Variants in USP34 observed in about 807,000 individuals in gnomAD.
The protein encoded by USP34 is ubiquitin specific peptidase 34.
In USP34, 70 loss-of-function variants were observed where a neutral mutation model predicts 460.3. That is an observed-to-expected ratio of 0.15 (90% CI 0.13 to 0.19). USP34 has a LOEUF of 0.19. Ranked by LOEUF, USP34 falls within the 10% of genes least tolerant of loss-of-function variation. The pLI is 1.00. For synonymous variants in USP34, 1,647 were observed against 1,405.3 expected (o/e 1.17, Z -3.85); for missense variants, 3,985 against 4,236.2 (o/e 0.94, Z 1.65).
rs552559192 is a variant in USP34 at position 61,188,326 on chromosome 2, T to G, written c.10417A>C (p.Ile3473Leu). 6 of 1,613,582 alleles carry G rather than the reference T, an allele frequency of 3.7e-6. No homozygotes were observed. Among genetic ancestry groups the G allele is most frequent in the Non-Finnish European group, 4.2e-6 (5 of 1,180,000 alleles). The change falls in exon 80 of 80, where the codon ATC (isoleucine) becomes CTC (leucine). Residue 3473 changes from isoleucine to leucine, a missense_variant. This residue lies in a region of USP34 where 506 missense variants were observed against 439.0 expected (regional missense o/e 1.15). Transcript: ENST00000398571. Reference sequence around the variant, plus strand: ...GCTAAGTCAGACAGAACTGCAGAGATAGAAGTAGAAGGGAACTCAGATTCT... The same window carrying G: ...GCTAAGTCAGACAGAACTGCAGAGAGAGAAGTAGAAGGGAACTCAGATTCT... ...EEESEFPSTS[I>L]SAVLSDLADL...
intron 10 of USP34, among the ~76,000 whole-genome samples, chr2:61,359,338 G>T (rs572537958): frequency 1.3e-5 from 2 of 152,300 alleles, no homozygotes; most frequent in Admixed American, 6.5e-5. Context: ...GCCATTTAAT[G>T]GGGGAAGGAC....
intron 20 of USP34, among the ~76,000 whole-genome samples, chr2:61,331,073 C>A (rs1691245864): frequency 6.6e-6 from 1 of 152,068 alleles, no homozygotes; most frequent in Non-Finnish European, 1.5e-5. Context: ...AGTGAGCCAG[C>A]TACATTTACC....
chr2:61,469,036 G>A (rs1216791257), intron 1 of USP34, among the ~76,000 whole-genome samples: 2 of 152,034 alleles, frequency 1.3e-5, no homozygotes, highest in Non-Finnish European at 2.9e-5. Flanking sequence ...GTGAAACCCC[G>A]TCTCTACCAA....
Position 61,266,156 on chromosome 2 carries a change from T to G in USP34, c.5445A>C (p.Arg1815Ser). The G allele has an allele frequency of 6.2e-7, 1 of 1,608,396 alleles. No individual in the cohort carries two copies. Among genetic ancestry groups the G allele is most frequent in the Non-Finnish European group, 8.5e-7 (1 of 1,175,814 alleles). ...ACAAAAACAGGAGATTGAAGATATCTCTCAAAAATTCCTGGGGAGTAAAAG... is the reference window on the plus strand; with the variant it reads ...ACAAAAACAGGAGATTGAAGATATCGCTCAAAAATTCCTGGGGAGTAAAAG... ...KFSREGQEFLRDIFNLLFLLP... is the reference protein window; with the variant it reads ...KFSREGQEFLSDIFNLLFLLP... Residue 1815 changes from arginine (R) to serine (S), a missense_variant, in exon 42 of 80, where the codon AGA (arginine) becomes AGC (serine). This residue lies in a region of USP34 where 1,114 missense variants were observed against 1,122.5 expected (regional missense o/e 0.99). Coordinates refer to ENST00000398571, the MANE Select transcript of USP34 (RefSeq NM_014709.4).
At chr2:61,278,015 A>C (rs1270340558) in intron 41 of USP34, 150 bp downstream of exon 41, 21 of 1,016,886 alleles carry the variant, frequency 2.1e-5, no homozygotes, top group African/African-American at 6.6e-5. Flanking sequence ...GCCACATGGA[A>C]CTCTGAGTCG....
chr2:61,256,948 A>G lies in USP34; in HGVS notation c.6051T>C (p.Asp2017=), dbSNP rs375224042. The G allele has an allele frequency of 4.6e-5, 71 of 1,533,380 alleles. No homozygotes were observed. The highest frequency in any genetic ancestry group is 6.1e-5 in the Non-Finnish European group (70 of 1,143,866). 95.0% of individuals were successfully genotyped at this position (1,533,380 alleles called of 1,614,324 possible). A position where few individuals can be genotyped will look rare whatever the true frequency, so the allele number is the denominator to read the frequency against. The change falls in exon 47 of 80, where the codon GAT becomes GAC. Residue 2017 remains aspartate (D), a splice_region_variant and synonymous_variant. Coordinates refer to ENST00000398571, the MANE Select transcript of USP34 (RefSeq NM_014709.4). The part of the protein sequence containing the change: ...GVITNNVVSL[D]CEHVSQTAEE... ...CAGCAGTTTGACTAACATGTTCACA[A>G]TCCTAATCAATACACATAAAAAATT...
intron 20 of USP34, among the ~76,000 whole-genome samples, chr2:61,328,520 G>A (rs959430617): frequency 6.6e-6 from 1 of 152,110 alleles, no homozygotes. Flanking sequence ...TTTACAGCCT[G>A]AAGGAATAGG....
chr2:61,398,325 C>T (rs1693600360), intron 3 of USP34, among the ~76,000 whole-genome samples: 2 of 151,708 alleles, frequency 1.3e-5, no homozygotes, highest in East Asian at 1.9e-4. Context: ...CATGTTCATG[C>T]CACTGCACTC....
Position 61,229,616 on chromosome 2 carries a change from A to G in USP34, c.7131T>C (p.Cys2377=), listed in dbSNP as rs1687834579. 6.2e-7 allele frequency: 1 copy of G among 1,612,412 alleles called. No homozygotes were observed. Among genetic ancestry groups the G allele is most frequent in the Non-Finnish European group, 8.5e-7 (1 of 1,179,496 alleles). ...GTCTCAGCCTCTGAATCACATGGAT[A>G]CACAAACGCTGAAACATCTGTGAAG... is the stretch of plus-strand genomic sequence containing the variant. The part of the protein sequence containing the change: ...QIVRQMFQRL[C]IHVIQRLRPV... The change falls in exon 59 of 80, where the codon TGT becomes TGC. Residue 2377 remains cysteine (C), a synonymous_variant. Transcript: ENST00000398571.
At chr2:61,305,556 T>C (rs373021536) in intron 27 of USP34, among the ~76,000 whole-genome samples, 7 of 151,904 alleles carry the variant, frequency 4.6e-5, no homozygotes, top group African/African-American at 9.7e-5. Context: ...CCTTAACCAA[T>C]AGCATAGAAA....
At chr2:61,326,206 G>C (rs1691083530) in intron 20 of USP34, among the ~76,000 whole-genome samples, 1 of 151,804 alleles carries the variant, frequency 6.6e-6, no homozygotes, top group Non-Finnish European at 1.5e-5. Context: ...TTAAAAATTT[G>C]TGTATTTGGG....
intron 8 of USP34, among the ~76,000 whole-genome samples, chr2:61,374,984 AATACCCC>A (rs1344688468): frequency 3.9e-5 from 6 of 152,202 alleles, no homozygotes; most frequent in African/African-American, 1.4e-4. Context: ...CACCCCACAG[AATACCCC>A]ATACGACAAC....
intron 41 of USP34, among the ~76,000 whole-genome samples, chr2:61,268,058 G>A (rs7564507): frequency 0.14 from 22,024 of 152,080 alleles, 2,148 homozygotes; most frequent in South Asian, 0.36. Flanking sequence ...CTGGCAAAGG[G>A]CTTATTTTTA....
At chr2:61,203,338 G>C in intron 74 of USP34, 75 bp from the exon 75 acceptor site, 4 of 1,311,064 alleles carry the variant, frequency 3.1e-6, no homozygotes, top group South Asian at 2.5e-5. Flanking sequence ...AATGTAATAA[G>C]TTTAACTAAA....
intron 72 of USP34, among the ~76,000 whole-genome samples, chr2:61,204,877 G>A (rs1687072376): frequency 6.6e-6 from 1 of 152,136 alleles, no homozygotes; most frequent in South Asian, 2.1e-4. Context: ...AACATACAGT[G>A]AGGGATTTTT....
At chr2:61,455,645 A>C (rs1334806412) in intron 1 of USP34, among the ~76,000 whole-genome samples, 1 of 152,130 alleles carries the variant, frequency 6.6e-6, no homozygotes, top group Non-Finnish European at 1.5e-5. Context: ...AGACCAACTT[A>C]AATTATATCA....
intron 41 of USP34, among the ~76,000 whole-genome samples, chr2:61,269,564 GT>G (rs1689152731): frequency 6.6e-6 from 1 of 151,980 alleles, no homozygotes; most frequent in African/African-American, 2.4e-5. Flanking sequence ...TTTCCTGAAT[GT>G]ATATTGTCTA....
chr2:61,239,196 T>C (rs2103852484), intron 53 of USP34, among the ~76,000 whole-genome samples: 1 of 151,930 alleles, frequency 6.6e-6, no homozygotes, highest in Admixed American at 6.6e-5. Context: ...TTAACAACCC[T>C]ACAATGGCCT....
intron 5 of USP34, among the ~76,000 whole-genome samples, chr2:61,393,950 A>C (rs1693435491): frequency 6.6e-6 from 1 of 152,076 alleles, no homozygotes; most frequent in Admixed American, 6.5e-5. Context: ...AGCCTGGCCA[A>C]CATGTACTCA....
Sources: allele counts gnomAD v4.1 joint callset (sites outside exome capture counted in the v4.1 genomes callset), GRCh38; gene constraint gnomAD v4.1.1; regional missense constraint gnomAD v4.1.1; transcripts MANE v1.5; gene names NCBI Gene and HGNC (gene_info 2026-07-23, HGNC 2026-07-21).